Variants in SERPINF1 observed in about 807,000 individuals in gnomAD.
SERPINF1 encodes the protein pigment epithelium-derived factor.
SERPINF1 carries 29 observed loss-of-function variants against 37.3 expected under a neutral mutation model. The observed-to-expected ratio is 0.78, with a 90% CI of 0.58 to 1.06. SERPINF1 has a LOEUF of 1.06. SERPINF1 is among the 50% of genes least tolerant of loss of function. SERPINF1 has a pLI of 0.00. For synonymous variants in SERPINF1, 281 were observed against 227.9 expected, an observed-to-expected ratio of 1.23 and a Z score of -2.10; for missense variants, 553 against 532.2, an observed-to-expected ratio of 1.04 and a Z score of -0.38.
intron 1 of SERPINF1, among the ~76,000 whole-genome samples, chr17:1,764,107 G>A (rs561998078): frequency 3.3e-5 from 5 of 152,166 alleles, no homozygotes; most frequent in Non-Finnish European, 7.4e-5. Context: ...GCTTGAACCC[G>A]GGAGGTGGAA....
Position 1,771,150 on chromosome 17 carries a change from C to A in SERPINF1, c.405C>A (p.Asn135Lys), listed in dbSNP as rs1167789562. ...ACACGGTCACTGCCCCCCAGAAGAACCTCAAGAGTGCCTCCCGGATCGTCT... is the reference window on the plus strand; with the variant it reads ...ACACGGTCACTGCCCCCCAGAAGAAACTCAAGAGTGCCTCCCGGATCGTCT... The part of the protein sequence containing the change: ...LLDTVTAPQK[N>K]LKSASRIVFE... The change falls in exon 4 of 8, where the codon AAC (asparagine) becomes AAA (lysine). Residue 135 changes from asparagine to lysine, a missense_variant. Asn to Lys is a moderately conservative substitution (Grantham distance 94, BLOSUM62 0). Transcript: ENST00000254722. 1.2e-6 allele frequency: 2 copies of A among 1,614,064 alleles called. No individual in the cohort carries two copies. The highest frequency in any genetic ancestry group is 1.1e-5 in the South Asian group (1 of 91,080).
At position 1,771,986 on chromosome 17, in the gene SERPINF1, A is replaced by G. The variant is rs1567755478; in HGVS notation, c.554A>G (p.Gln185Arg). ...CTGCAAGAGATCAACAACTGGGTGCAGGCGCAGATGAAAGGGAAGCTCGCC... is the reference window on the plus strand; with the variant it reads ...CTGCAAGAGATCAACAACTGGGTGCGGGCGCAGATGAAAGGGAAGCTCGCC... ...LDLQEINNWVQAQMKGKLARS... is the reference protein window; with the variant it reads ...LDLQEINNWVRAQMKGKLARS... Residue 185 changes from glutamine to arginine, a missense_variant, in exon 5 of 8, where the codon CAG becomes CGG. By Grantham distance (43) the Gln-to-Arg change is conservative. Transcript: ENST00000254722. 6.2e-7 allele frequency: 1 copy of G among 1,613,980 alleles called. No homozygotes were observed. The highest frequency in any genetic ancestry group is 2.2e-5 in the East Asian group (1 of 44,860).
intron 6 of SERPINF1, among the ~76,000 whole-genome samples, chr17:1,775,838 G>T (rs181215232): frequency 3.2e-4 from 49 of 152,310 alleles, no homozygotes; most frequent in Non-Finnish European, 6.3e-4. Flanking sequence ...TTGGCCAATC[G>T]TTGGCATTCT....
At chr17:1,771,250 CTTT>C (rs58039181) in intron 4 of SERPINF1, 66 bp downstream of exon 4, 7,890 of 1,197,924 alleles carry the variant, frequency 6.6e-3, no homozygotes, top group African/African-American at 0.017. Flanking sequence ...CTGGGGGGGT[CTTT>C]TTTTTTTTTT....
intron 5 of SERPINF1, 49 bp from the exon 6 acceptor site, chr17:1,775,009 G>T: frequency 6.2e-7 from 1 of 1,613,462 alleles, no homozygotes; most frequent in Non-Finnish European, 8.5e-7. Flanking sequence ...TGGCGCCACT[G>T]TCTTTCTGGT....
intron 1 of SERPINF1, among the ~76,000 whole-genome samples, chr17:1,764,834 A>G (rs756591086): frequency 8.7e-5 from 11 of 125,946 alleles, no homozygotes; most frequent in Non-Finnish European, 1.8e-4. Flanking sequence ...CAGATTCTAC[A>G]TTTTTTTTTC....
Position 1,771,049 on chromosome 17 carries a change from T to G in SERPINF1, c.304T>G (p.Ser102Ala). The G allele has an allele frequency of 6.2e-7, 1 of 1,614,056 alleles. No homozygotes were observed. The highest frequency in any genetic ancestry group is 8.5e-7 in the Non-Finnish European group (1 of 1,179,978). ...LSLGAEQRTE[S>A]IIHRALYYDL... Reference sequence around the variant, plus strand: ...GGCAGGAGCGGAGCAGCGAACAGAATCCATCATTCACCGGGCTCTCTACTA... The same window carrying G: ...GGCAGGAGCGGAGCAGCGAACAGAAGCCATCATTCACCGGGCTCTCTACTA... Residue 102 changes from serine (S) to alanine (A), a missense_variant, in exon 4 of 8, where the codon TCC (serine) becomes GCC (alanine). By Grantham distance (99) the Ser-to-Ala change is moderately conservative. Transcript: ENST00000254722.
chr17:1,764,534 G>A (rs986254311), intron 1 of SERPINF1, among the ~76,000 whole-genome samples: 2 of 152,258 alleles, frequency 1.3e-5, no homozygotes, highest in East Asian at 1.9e-4. Flanking sequence ...TCTGCGGCTC[G>A]AGGCGGGGTT....
chr17:1,767,223 A>C (rs1485410029), intron 2 of SERPINF1, among the ~76,000 whole-genome samples: 1 of 152,162 alleles, frequency 6.6e-6, no homozygotes, highest in African/African-American at 2.4e-5. Flanking sequence ...AAAAATCTGA[A>C]GCACTTTTAA....
At chr17:1,776,310 CAAGGT>C (rs1328428238) in intron 6 of SERPINF1, 44 of 599,568 alleles carry the variant, frequency 7.3e-5, no homozygotes, top group Non-Finnish European at 1.3e-4. Flanking sequence ...GGTATTAGGC[CAAGGT>C]AAGAAAGGCC....
chr17:1,762,129 G>C lies in SERPINF1; in HGVS notation c.-9+16G>C, dbSNP rs1907129437. Reference sequence around the variant, plus strand: ...GTATCCACAGGTAAAGCAGCTCCCTGGCTGCTCTGATGCCAGGGACGGCGG... The same window carrying C: ...GTATCCACAGGTAAAGCAGCTCCCTCGCTGCTCTGATGCCAGGGACGGCGG... On this transcript the variant is annotated intron_variant, in intron 1 of 7. Coordinates refer to ENST00000254722, the MANE Select transcript of SERPINF1 (RefSeq NM_002615.7). 6.5e-6 allele frequency: 1 copy of C among 152,842 alleles called. No individual in the cohort carries two copies. Among genetic ancestry groups the C allele is most frequent in the Non-Finnish European group, 1.5e-5 (1 of 68,406 alleles). The allele number at this position is 152,842 out of a possible 1,614,324, so 9.5% of individuals were successfully genotyped here. A position where few individuals can be genotyped will look rare whatever the true frequency, so the allele number is the denominator to read the frequency against.
chr17:1,765,881 AAAAAAAAAT>A (rs2151204605), intron 1 of SERPINF1, among the ~76,000 whole-genome samples: 1 of 148,000 alleles, frequency 6.8e-6, no homozygotes, highest in African/African-American at 2.4e-5. Context: ...AAAAAAAAAA[AAAAAAAAAT>A]TTCAAATGTG....
chr17:1,775,083 C>T lies in SERPINF1; in HGVS notation c.669C>T (p.Ser223=), dbSNP rs997639544. The T allele has an allele frequency of 5.0e-6, 8 of 1,614,086 alleles. No individual in the cohort carries two copies. Among genetic ancestry groups the T allele is most frequent in the Non-Finnish European group, 6.8e-6 (8 of 1,180,010 alleles). ...FKGQWVTKFD[S]RKTSLEDFYL... ...GGCAGTGGGTAACAAAGTTTGACTC[C>T]AGAAAGACTTCCCTCGAGGATTTCT... The change falls in exon 6 of 8, where the codon TCC becomes TCT. Residue 223 remains serine, a synonymous_variant. Transcript: ENST00000254722.
At chr17:1,767,245 C>T (rs1365780266) in intron 2 of SERPINF1, among the ~76,000 whole-genome samples, 1 of 152,198 alleles carries the variant, frequency 6.6e-6, no homozygotes, top group Non-Finnish European at 1.5e-5. Flanking sequence ...AAGTCCAGGG[C>T]AATTCTCCTG....
At chr17:1,763,899 C>T (rs1461541059) in intron 1 of SERPINF1, among the ~76,000 whole-genome samples, 3 of 152,198 alleles carry the variant, frequency 2.0e-5, no homozygotes, top group African/African-American at 7.2e-5. Context: ...AATACTATGC[C>T]AGGATAATGG....
chr17:1,769,986 C>A lies in SERPINF1; in HGVS notation c.219C>A (p.Ser73Arg). ...TGTACCGGGTGCGATCCAGCACGAG[C>A]CCCACGACCAACGTGCTCCTGTCTC... ...YDLYRVRSSTSPTTNVLLSPL... is the reference protein window; with the variant it reads ...YDLYRVRSSTRPTTNVLLSPL... The change falls in exon 3 of 8, where the codon AGC becomes AGA. Residue 73 changes from serine (S) to arginine (R), a missense_variant. Physicochemically the swap from Ser to Arg is moderately radical, Grantham distance 110. Transcript: ENST00000254722. 6.2e-7 allele frequency: 1 copy of A among 1,614,136 alleles called. No homozygotes were observed. Among genetic ancestry groups the A allele is most frequent in the Non-Finnish European group, 8.5e-7 (1 of 1,179,972 alleles).
chr17:1,775,336 T>A (rs898934515), intron 6 of SERPINF1, 136 bp downstream of exon 6: 1 of 859,736 alleles, frequency 1.2e-6, no homozygotes, highest in Non-Finnish European at 1.8e-6. Flanking sequence ...TTTGAGCAGG[T>A]TAATAACATG....
intron 1 of SERPINF1, 25 bp from the exon 2 acceptor site, chr17:1,766,878 T>C (rs1348774514): frequency 6.5e-7 from 1 of 1,548,384 alleles, no homozygotes; most frequent in Admixed American, 2.0e-5. Flanking sequence ...GGAGAGCGGC[T>C]TGCTGCCTCG....
chr17:1,770,039 C>G lies in SERPINF1; in HGVS notation c.272C>G (p.Ala91Gly), dbSNP rs765086186. ...CTCAGTGTGGCCACGGCCCTCTCGG[C>G]CCTCTCGCTGGGTGAGTGCTCAGAT... ...SPLSVATALS[A>G]LSLGAEQRTE... Residue 91 changes from alanine to glycine, a missense_variant, in exon 3 of 8, where the codon GCC becomes GGC. Ala to Gly is a moderately conservative substitution (Grantham distance 60). Coordinates refer to ENST00000254722, the MANE Select transcript of SERPINF1 (RefSeq NM_002615.7). 1 of 1,614,154 alleles carries G rather than the reference C, an allele frequency of 6.2e-7. No individual in the cohort carries two copies. Among genetic ancestry groups the G allele is most frequent in the Admixed American group, 1.7e-5 (1 of 60,026 alleles).
Sources: gnomAD v4.1 joint callset for allele counts (sites outside exome capture counted in the v4.1 genomes callset) on GRCh38, gnomAD v4.1.1 for gene constraint, MANE v1.5 for transcripts, NCBI Gene and HGNC (gene_info 2026-07-23, HGNC 2026-07-21) for gene names.